Variants in BICRAL observed in about 807,000 individuals in gnomAD.
BICRAL encodes BRD4-interacting chromatin-remodeling complex-associated protein-like.
In BICRAL, 8 loss-of-function variants were observed where a neutral mutation model predicts 91.8. The ratio of observed to expected loss-of-function variants is 0.09; its 90% CI spans 0.05 to 0.16. The LOEUF (loss-of-function observed/expected upper bound fraction) is 0.16, where lower values mean the gene tolerates loss of function less well. Among genes scored for constraint, BICRAL ranks in the 10% least tolerant of loss-of-function variants. The probability of loss-of-function intolerance (pLI) is 1.00; values close to 1 mark genes in which losing one functional copy is unlikely to be tolerated. For missense variants in BICRAL, 1,038 were observed against 1,310.9 expected (o/e 0.79, Z 3.21); for synonymous variants, 445 against 491.1 (o/e 0.91, Z 1.24).
At chr6:42,809,838 G>A (rs1233567212) in intron 1 of BICRAL, among the ~76,000 whole-genome samples, 5 of 151,778 alleles carry the variant, frequency 3.3e-5, no homozygotes, top group Non-Finnish European at 7.4e-5. Context: ...CCAGGCTGGA[G>A]TGCAGTGGCA....
chr6:42,839,141 A>G (rs1221793922), intron 6 of BICRAL, among the ~76,000 whole-genome samples: 1 of 151,992 alleles, frequency 6.6e-6, no homozygotes, highest in Non-Finnish European at 1.5e-5. Context: ...CGGAGGTTAC[A>G]GTGAGCTGAG....
At chr6:42,830,257 T>C in intron 6 of BICRAL, 85 bp downstream of exon 6, 1 of 1,411,856 alleles carries the variant, frequency 7.1e-7, no homozygotes, top group African/African-American at 1.4e-5. Flanking sequence ...ATTTTCATCC[T>C]AGGCATCCAA....
intron 1 of BICRAL, among the ~76,000 whole-genome samples, chr6:42,791,132 G>A (rs1468861828): frequency 1.3e-5 from 2 of 151,998 alleles, no homozygotes; most frequent in East Asian, 3.9e-4. Flanking sequence ...CCTGGGAGCA[G>A]CAACTTTGTT....
intron 11 of BICRAL, among the ~76,000 whole-genome samples, chr6:42,860,987 G>A (rs978911685): frequency 2.6e-5 from 4 of 151,946 alleles, no homozygotes; most frequent in Non-Finnish European, 2.9e-5. Flanking sequence ...AGAGCTAGGC[G>A]TGGTGGCGCA....
intron 2 of BICRAL, among the ~76,000 whole-genome samples, chr6:42,812,759 T>C (rs953841757): frequency 3.9e-5 from 6 of 151,960 alleles, no homozygotes; most frequent in African/African-American, 1.4e-4. Context: ...AGGCCAGGCA[T>C]GGTGGCTCAC....
At chr6:42,797,640 A>T (rs537308843) in intron 1 of BICRAL, among the ~76,000 whole-genome samples, 3 of 152,222 alleles carry the variant, frequency 2.0e-5, no homozygotes, top group African/African-American at 7.2e-5. Context: ...CATAATGCCA[A>T]CCCATTTGGG....
At chr6:42,765,058 G>A (rs1562451068) in intron 1 of BICRAL, among the ~76,000 whole-genome samples, 1 of 152,190 alleles carries the variant, frequency 6.6e-6, no homozygotes, top group Non-Finnish European at 1.5e-5. Context: ...ATAAAGAGCT[G>A]TCTTTGTGTC....
At chr6:42,790,946 G>C (rs1447391864) in intron 1 of BICRAL, among the ~76,000 whole-genome samples, 3 of 152,008 alleles carry the variant, frequency 2.0e-5, no homozygotes, top group African/African-American at 7.2e-5. Flanking sequence ...GGCATGTGGG[G>C]TGTGGATTTT....
chr6:42,808,653 T>C (rs555903605), intron 1 of BICRAL, among the ~76,000 whole-genome samples: 1 of 152,278 alleles, frequency 6.6e-6, no homozygotes, highest in Non-Finnish European at 1.5e-5. Context: ...GAGTAAGAAT[T>C]GAGCTACTCA....
chr6:42,831,526 C>T (rs1381277409), intron 6 of BICRAL, among the ~76,000 whole-genome samples: 1 of 152,150 alleles, frequency 6.6e-6, no homozygotes, highest in Non-Finnish European at 1.5e-5. Context: ...AGCTTTAGTC[C>T]TTCACTGTCA....
At chr6:42,751,564 C>T (rs1269521157) in intron 1 of BICRAL, among the ~76,000 whole-genome samples, 1 of 151,738 alleles carries the variant, frequency 6.6e-6, no homozygotes, top group Non-Finnish European at 1.5e-5. Context: ...ATAGGCCCTT[C>T]GGTGTTCTCT....
At chr6:42,788,919 G>T (rs1763186513) in intron 1 of BICRAL, among the ~76,000 whole-genome samples, 1 of 152,054 alleles carries the variant, frequency 6.6e-6, no homozygotes, top group African/African-American at 2.4e-5. Flanking sequence ...GCAACATTCA[G>T]CTGTTATGAG....
chr6:42,837,924 A>T (rs1764688670), intron 6 of BICRAL, among the ~76,000 whole-genome samples: 1 of 152,188 alleles, frequency 6.6e-6, no homozygotes, highest in Admixed American at 6.6e-5. Flanking sequence ...AAAACTTTCA[A>T]ACCCATGGAC....
intron 1 of BICRAL, among the ~76,000 whole-genome samples, chr6:42,793,868 C>T (rs1453699400): frequency 1.3e-5 from 2 of 149,272 alleles, no homozygotes; most frequent in Non-Finnish European, 3.0e-5. Context: ...GTAGCTGGGA[C>T]TACAGGTGCA....
intron 6 of BICRAL, among the ~76,000 whole-genome samples, chr6:42,837,129 TAG>T (rs1388729983): frequency 6.6e-6 from 1 of 151,238 alleles, no homozygotes; most frequent in African/African-American, 2.4e-5. Context: ...GTATTTTTAG[TAG>T]AGACAGAGTT....
intron 1 of BICRAL, among the ~76,000 whole-genome samples, chr6:42,759,248 G>A (rs1762507018): frequency 6.6e-6 from 1 of 152,214 alleles, no homozygotes; most frequent in African/African-American, 2.4e-5. Context: ...TGTAAATCCT[G>A]TTAGGAAGTT....
At position 42,865,740 on chromosome 6, in the gene BICRAL, G is replaced by A. The variant is rs1765694712; in HGVS notation, c.*294G>A. ...GTGCTTATAGGCATTTTGTTTATTT[G>A]TTTTGTTTTTTAAAAACACTGTAAC... On this transcript the variant is annotated 3_prime_UTR_variant, in exon 13 of 13. Coordinates refer to ENST00000314073, the MANE Select transcript of BICRAL (RefSeq NM_001393499.1). 3.2e-6 allele frequency: 1 copy of A among 313,020 alleles called. No homozygotes were observed. The highest frequency in any genetic ancestry group is 5.9e-6 in the Non-Finnish European group (1 of 169,438). 19.4% of individuals were successfully genotyped at this position (313,020 alleles called of 1,614,324 possible). A position where few individuals can be genotyped will look rare whatever the true frequency, so the allele number is the denominator to read the frequency against.
In BICRAL at chr6:42,814,479, ATG is replaced by A. The variant is rs35473219; in HGVS notation, c.-6+4098_-6+4099del. Among the ~76,000 whole-genome samples the A allele has an allele frequency of 1.5e-3, 118 of 79,002 alleles. 1 individual carries two copies. The East Asian group carries it at 0.025, about 17-fold the overall frequency. 51.8% of individuals were successfully genotyped at this position (79,002 alleles called of 152,430 possible). On this transcript the variant is annotated intron_variant, in intron 2 of 12. Coordinates refer to ENST00000314073, the MANE Select transcript of BICRAL (RefSeq NM_001393499.1). ...TATACGTATACATACATATACATGC[ATG>A]TGTGTGTGTGTGTGTGTGTATATAT... is the stretch of plus-strand genomic sequence containing the variant.
intron 1 of BICRAL, among the ~76,000 whole-genome samples, chr6:42,802,421 GTTTT>G (rs370280741): frequency 2.7e-5 from 4 of 149,684 alleles, no homozygotes; most frequent in African/African-American, 1.0e-4. Context: ...AGCTTTTCGT[GTTTT>G]TTTTTGTTGT....
Sources: allele counts gnomAD v4.1 joint callset (sites outside exome capture counted in the v4.1 genomes callset), GRCh38; gene constraint gnomAD v4.1.1; transcripts MANE v1.5; gene names NCBI Gene and HGNC (gene_info 2026-07-23, HGNC 2026-07-21).